The following RGS12 variants were observed in gnomAD, a reference collection of about 807,000 sequenced individuals.
The protein encoded by RGS12 is regulator of G-protein signaling 12.
A neutral mutation model predicts 120.1 loss-of-function variants in RGS12; 66 were observed. The observed-to-expected ratio is 0.55, with a 90% CI of 0.45 to 0.67. The LOEUF (loss-of-function observed/expected upper bound fraction) is 0.67, where lower values mean the gene tolerates loss of function less well. Ranked by LOEUF, RGS12 falls within the 30% of genes least tolerant of loss-of-function variation. The pLI is 0.00. For missense variants in RGS12, 1,859 were observed against 1,957.7 expected (o/e 0.95, Z 0.95); for synonymous variants, 827 against 804.7 (o/e 1.03, Z -0.47).
intron 3 of RGS12, chr4:3,385,056 C>T (rs1181977250): frequency 2.0e-5 from 3 of 152,600 alleles, no homozygotes; most frequent in Admixed American, 2.0e-4. Flanking sequence ...GCTGGAAGCC[C>T]TGGCTCCTTT....
chr4:3,295,198 G>C (rs1723304066), intron 1 of RGS12, among the ~76,000 whole-genome samples: 1 of 152,206 alleles, frequency 6.6e-6, no homozygotes, highest in African/African-American at 2.4e-5. Context: ...CCTGGCTGCT[G>C]CTGTGGGAAG....
chr4:3,417,784 T>G, intron 9 of RGS12: 1 of 506,106 alleles, frequency 2.0e-6, no homozygotes, highest in South Asian at 2.9e-5. Flanking sequence ...CTCAATACAT[T>G]TCAGCCCATG....
At chr4:3,406,601 G>A (rs1475207644) in intron 4 of RGS12, among the ~76,000 whole-genome samples, 5 of 152,232 alleles carry the variant, frequency 3.3e-5, no homozygotes, top group African/African-American at 1.2e-4. Context: ...TGCAGAGAGT[G>A]CAGTGTCCTA....
chr4:3,293,790 T>TA lies in RGS12; in HGVS notation c.-102+691_-102+692insA, dbSNP rs1723194344. Among the ~76,000 whole-genome samples, 6 of 142,522 alleles carry TA rather than the reference T, an allele frequency of 4.2e-5. No homozygotes were observed. In the South Asian group the frequency reaches 1.1e-3, roughly 26 times the overall value. The allele number at this position is 142,522 out of a possible 152,430, so 93.5% of individuals were successfully genotyped here. ...AGAGGGGGCCCAGAGCTGTGGAGTGTGGACAGAGAGGGGGCCCAGAGCCGT... is the reference window on the plus strand; with the variant it reads ...AGAGGGGGCCCAGAGCTGTGGAGTGTAGGACAGAGAGGGGGCCCAGAGCCGT... On this transcript the variant is annotated intron_variant, in intron 1 of 17. Coordinates refer to ENST00000336727, the MANE Select transcript of RGS12 (RefSeq NM_001394154.1).
chr4:3,311,262 C>T (rs768570069), intron 1 of RGS12, among the ~76,000 whole-genome samples: 10 of 152,174 alleles, frequency 6.6e-5, no homozygotes, highest in Non-Finnish European at 1.5e-4. Context: ...CTGCCTCGCT[C>T]GGGGCCTGCT....
At position 3,435,489 on chromosome 4, in the gene RGS12, G is replaced by C. The variant is rs74283626; in HGVS notation, c.4115-3966G>C. On this transcript the variant is annotated intron_variant, in intron 17 of 17. Coordinates refer to ENST00000336727, the MANE Select transcript of RGS12 (RefSeq NM_001394154.1). ...GGTCTCAGGCCTGCAAAGCTGCTGA[G>C]GGCATCTGCTAGGTGCCTCTCCAAA... 8.8e-3 allele frequency among the ~76,000 whole-genome samples: 1,330 copies of C among 151,394 alleles called. 31 individuals carry two copies. In the East Asian group the frequency reaches 0.11, roughly 13 times the overall value.
rs373626580 is a variant in RGS12, at chr4:3,414,100, C to T, written c.2049C>T (p.Cys683=). Residue 683 remains cysteine (C), a synonymous_variant, in exon 5 of 18, where the codon TGC becomes TGT. Coordinates refer to ENST00000336727, the MANE Select transcript of RGS12 (RefSeq NM_001394154.1). ...GELTGADLKD[C]VSNNSLSSNA... is the part of the protein sequence containing the mutation. ...TGACGGGCGCCGACCTGAAGGACTG[C>T]GTCAGCAACAACAGCCTGAGCAGCA... 6 of 1,572,270 alleles carry T rather than the reference C, an allele frequency of 3.8e-6. No individual in the cohort carries two copies. The highest frequency in any genetic ancestry group is 1.3e-5 in the African/African-American group (1 of 74,430).
intron 2 of RGS12, among the ~76,000 whole-genome samples, chr4:3,340,923 G>A (rs747984195): frequency 6.6e-6 from 1 of 152,118 alleles, no homozygotes; most frequent in African/African-American, 2.4e-5. Context: ...CTTGACACCT[G>A]TGTTGGCCGG....
intron 4 of RGS12, among the ~76,000 whole-genome samples, chr4:3,402,929 G>C (rs185826306): frequency 6.6e-6 from 1 of 152,246 alleles, no homozygotes; most frequent in Non-Finnish European, 1.5e-5. Context: ...GCATCCTGAG[G>C]GCTCCCTGTG....
rs560183718 is a variant in RGS12, at chr4:3,365,440, C to T, written c.1999-20976C>T. ...AGGGAGGTGGCAGGAGCTTTTGCGT[C>T]TGTCCCCAGTGAGTTGCCTTGATTC... On this transcript the variant is annotated intron_variant, in intron 3 of 17. Coordinates refer to ENST00000336727, the MANE Select transcript of RGS12 (RefSeq NM_001394154.1). This position sits in a 1 kb window ranked among gnomAD's most constrained non-coding sequence, Gnocchi z 4.0. Among the ~76,000 whole-genome samples the T allele has an allele frequency of 4.6e-5, 7 of 152,196 alleles. No homozygotes were observed. Among genetic ancestry groups the T allele is most frequent in the Admixed American group, 3.3e-4 (5 of 15,312 alleles).
chr4:3,342,907 T>A (rs1427377226), intron 2 of RGS12, 30 bp from the exon 3 acceptor site: 5 of 1,447,564 alleles, frequency 3.5e-6, no homozygotes, highest in Non-Finnish European at 4.9e-6. Context: ...TGCAAAAGAA[T>A]AACCTGATGC....
At chr4:3,373,482 C>T (rs148206104) in intron 3 of RGS12, among the ~76,000 whole-genome samples, 17 of 152,334 alleles carry the variant, frequency 1.1e-4, no homozygotes, top group African/African-American at 2.6e-4. Context: ...GTGGGCCATC[C>T]GGGAAGGTGT....
chr4:3,438,092 GT>G (rs1724981011), intron 17 of RGS12, among the ~76,000 whole-genome samples: 1 of 152,150 alleles, frequency 6.6e-6, no homozygotes, highest in African/African-American at 2.4e-5. Flanking sequence ...GAGGGCAGCA[GT>G]TGGTAGCAGG....
chr4:3,370,466 C>T, intron 3 of RGS12: 1 of 827,286 alleles, frequency 1.2e-6, no homozygotes, highest in South Asian at 1.6e-5. Flanking sequence ...TGTGTCTGCA[C>T]CACAGCTCAA....
chr4:3,431,972 G>A, intron 17 of RGS12: 1 of 985,436 alleles, frequency 1.0e-6, no homozygotes, highest in Middle Eastern at 5.2e-4. Context: ...GTGTGGCATG[G>A]GAGGGGCTAC....
intron 3 of RGS12, among the ~76,000 whole-genome samples, chr4:3,350,525 TAA>T (rs1714252929): frequency 6.6e-6 from 1 of 151,468 alleles, no homozygotes; most frequent in African/African-American, 2.4e-5. Context: ...CTACAAAAAA[TAA>T]AAAAATTAGG....
chr4:3,321,040 A>T (rs1359557568), intron 2 of RGS12, among the ~76,000 whole-genome samples: 1 of 152,136 alleles, frequency 6.6e-6, no homozygotes, highest in Non-Finnish European at 1.5e-5. Flanking sequence ...AGTGACGGGG[A>T]CTTCAGGGCT....
In RGS12 at chr4:3,316,472, G is replaced by A. The variant is rs75169970; in HGVS notation, c.302G>A (p.Arg101His). ...ATGGTGATTGCTGAAGGCGTCGGCC[G>A]CTTCGAATCCTGTTCCAGTGATGAA... ...LHMVIAEGVG[R>H]FESCSSDEEG... Residue 101 changes from arginine to histidine, a missense_variant, in exon 2 of 18, where the codon CGC becomes CAC. This residue lies in a region of RGS12 where 967 missense variants were observed against 994.2 expected (regional missense o/e 0.97). Coordinates refer to ENST00000336727, the MANE Select transcript of RGS12 (RefSeq NM_001394154.1). 2,258 of 1,614,138 alleles carry A rather than the reference G, an allele frequency of 1.4e-3. 29 individuals carry two copies. The African/African-American group carries it at 0.025, about 18-fold the overall frequency.
intron 4 of RGS12, among the ~76,000 whole-genome samples, chr4:3,391,038 T>C (rs1466615237): frequency 6.6e-6 from 1 of 152,242 alleles, no homozygotes; most frequent in Non-Finnish European, 1.5e-5. Flanking sequence ...TGCAGCCTAA[T>C]TGCACATTTT....
Sources: allele counts gnomAD v4.1 joint callset (sites outside exome capture counted in the v4.1 genomes callset), GRCh38; gene constraint gnomAD v4.1.1; regional missense constraint gnomAD v4.1.1; non-coding constraint Gnocchi (gnomAD v3.1); transcripts MANE v1.5; gene names NCBI Gene and HGNC (gene_info 2026-07-23, HGNC 2026-07-21).